The following CACNA1S variants were observed in gnomAD, a reference collection of about 807,000 sequenced individuals.
The protein encoded by CACNA1S is voltage-dependent L-type calcium channel subunit alpha-1S.
In CACNA1S, 126 loss-of-function variants were observed where a neutral mutation model predicts 207.4. The observed-to-expected ratio is 0.61, with a 90% confidence interval of 0.53 to 0.70. CACNA1S has a LOEUF of 0.70. Among genes scored for constraint, CACNA1S ranks in the 30% least tolerant of loss-of-function variants. CACNA1S has a pLI of 0.00. For synonymous variants in CACNA1S, 960 were observed against 932.7 expected (o/e 1.03, Z -0.53); for missense variants, 2,349 against 2,422.8 (o/e 0.97, Z 0.64).
intron 2 of CACNA1S, among the ~76,000 whole-genome samples, chr1:201,096,723 G>T (rs1662446145): frequency 6.6e-6 from 1 of 152,178 alleles, no homozygotes; most frequent in African/African-American, 2.4e-5. Context: ...TCATGGTGAG[G>T]ATTAAATGGC....
chr1:201,058,148 G>A (rs531140214), intron 28 of CACNA1S, among the ~76,000 whole-genome samples: 1 of 152,288 alleles, frequency 6.6e-6, no homozygotes, highest in South Asian at 2.1e-4. Flanking sequence ...ACCCCACCCA[G>A]AGACGACTTT....
intron 10 of CACNA1S, 79 bp from the exon 11 acceptor site, chr1:201,078,183 C>A: frequency 4.4e-6 from 5 of 1,126,134 alleles, no homozygotes; most frequent in South Asian, 1.2e-5. Context: ...GGCTGGGCCT[C>A]AACCCAGGAC....
intron 2 of CACNA1S, among the ~76,000 whole-genome samples, chr1:201,101,172 A>G (rs1005660065): frequency 2.0e-5 from 3 of 152,228 alleles, no homozygotes; most frequent in Non-Finnish European, 4.4e-5. Context: ...AATGGGCTAT[A>G]ATAAGTTCTT....
chr1:201,093,940 G>T lies in CACNA1S; in HGVS notation c.340C>A (p.Gln114Lys), dbSNP rs776320792. Residue 114 changes from glutamine (Q) to lysine (K), a missense_variant, in exon 3 of 44, where the codon CAG (glutamine) becomes AAG (lysine). Transcript: ENST00000362061. ...KIIAYGFLFH[Q>K]DAYLRSGWNV... ...CAGCCACTGCGCAGGTAAGCGTCCT[G>T]GTGGAATAAGAAGCCGTAGGCAATG... is the stretch of plus-strand genomic sequence containing the variant. The T allele has an allele frequency of 4.3e-6, 7 of 1,614,094 alleles. No homozygotes were observed. The highest frequency in any genetic ancestry group is 1.7e-5 in the Admixed American group (1 of 60,004).
chr1:201,107,589 A>G (rs1662941458), intron 2 of CACNA1S, among the ~76,000 whole-genome samples: 1 of 152,224 alleles, frequency 6.6e-6, no homozygotes, highest in African/African-American at 2.4e-5. Context: ...GGTCATGAAT[A>G]ATTAAACCTT....
In CACNA1S at chr1:201,069,585, GACACAGGAC is replaced by G. The variant is rs1661380408; in HGVS notation, c.2368_2376del (p.Val790_Cys792del). 1 of 1,557,010 alleles carries G rather than the reference GACACAGGAC, an allele frequency of 6.4e-7. No individual in the cohort carries two copies. The highest frequency in any genetic ancestry group is 2.0e-5 in the Admixed American group (1 of 51,026). On this transcript the variant is annotated inframe_deletion, in exon 18 of 44. Coordinates refer to ENST00000362061, the MANE Select transcript of CACNA1S (RefSeq NM_000069.3). ...AACCAGGTGGCATTGACGATGCGGT[GACACAGGAC>G]ACGGATCCTGGTGGGGCGAGGTAGG...
At chr1:201,089,522 G>A (rs931470701) in intron 5 of CACNA1S, 59 bp from the exon 6 acceptor site, 6 of 1,535,764 alleles carry the variant, frequency 3.9e-6, no homozygotes, top group South Asian at 1.1e-5. Context: ...AACGACAGGA[G>A]GAAAGGTGTA....
chr1:201,076,245 C>T (rs1220382520), intron 12 of CACNA1S, among the ~76,000 whole-genome samples: 2 of 152,192 alleles, frequency 1.3e-5, no homozygotes, highest in Non-Finnish European at 2.9e-5. Context: ...TGTGAAATGT[C>T]GAGTCTCTTG....
intron 26 of CACNA1S, among the ~76,000 whole-genome samples, chr1:201,060,179 G>A (rs930011883): frequency 9.9e-5 from 15 of 152,104 alleles, no homozygotes; most frequent in South Asian, 2.1e-4. Flanking sequence ...ATTTATACAG[G>A]GCTTAAGGAA....
At chr1:201,058,607 G>T in intron 27 of CACNA1S, 116 bp from the exon 28 acceptor site, 1 of 799,748 alleles carries the variant, frequency 1.3e-6, no homozygotes, top group Non-Finnish European at 2.2e-6. Context: ...GTTAGGCCAA[G>T]GTGGGGTGCC....
intron 2 of CACNA1S, among the ~76,000 whole-genome samples, chr1:201,099,675 C>G (rs1347068282): frequency 1.3e-5 from 2 of 152,122 alleles, no homozygotes; most frequent in African/African-American, 4.8e-5. Context: ...TCAAATGTCC[C>G]CTCCCTCTTA....
chr1:201,100,559 T>C (rs1662614750), intron 2 of CACNA1S, among the ~76,000 whole-genome samples: 1 of 152,136 alleles, frequency 6.6e-6, no homozygotes, highest in South Asian at 2.1e-4. Flanking sequence ...ATTTCCCTCT[T>C]CCAGTTCCCT....
intron 2 of CACNA1S, among the ~76,000 whole-genome samples, chr1:201,109,227 G>C (rs1356615569): frequency 7.0e-6 from 1 of 143,166 alleles, no homozygotes; most frequent in Non-Finnish European, 1.5e-5. Context: ...CTGGGCAACA[G>C]AGTGAGACTC....
rs1660516190 is a variant in CACNA1S at position 201,047,720 on chromosome 1, A to T, written c.4442-94T>A. ...TTCTGAACCTTTCAGACAGCCAGTC[A>T]TTTACTAAGAAACATTGGCTGAGTT... On this transcript the variant is annotated intron_variant, in intron 36 of 43. Transcript: ENST00000362061. 3.6e-6 allele frequency: 3 copies of T among 834,812 alleles called. No homozygotes were observed. The East Asian group carries it at 7.4e-5, about 21-fold the overall frequency. The allele number at this position is 834,812 out of a possible 1,614,324, so 51.7% of individuals were successfully genotyped here.
At position 201,073,553 on chromosome 1, in the gene CACNA1S, G is replaced by T; in HGVS notation, c.2153C>A (p.Ala718Asp). 1.9e-6 allele frequency: 3 copies of T among 1,611,996 alleles called. No homozygotes were observed. The South Asian group carries it at 3.3e-5, about 18-fold the overall frequency. The change falls in exon 15 of 44, where the codon GCC (alanine) becomes GAC (aspartate). Residue 718 changes from alanine (A) to aspartate (D), a missense_variant. Coordinates refer to ENST00000362061, the MANE Select transcript of CACNA1S (RefSeq NM_000069.3). ...KPKGEGIPTT[A>D]KLKIDEFESN... ...ATCCCCACCTGAGGTGCTCACCTTG[G>T]CAGTGGTGGGGATGCCCTCACCCTT... is the stretch of plus-strand genomic sequence containing the variant.
At chr1:201,112,063 G>T in intron 1 of CACNA1S, 125 bp downstream of exon 1, 1 of 862,042 alleles carries the variant, frequency 1.2e-6, no homozygotes, top group Non-Finnish European at 1.8e-6. Flanking sequence ...AATTCTGTGA[G>T]TTCACCCCAT....
At chr1:201,102,487 A>G (rs1662713940) in intron 2 of CACNA1S, among the ~76,000 whole-genome samples, 1 of 152,180 alleles carries the variant, frequency 6.6e-6, no homozygotes, top group East Asian at 1.9e-4. Context: ...AAGGCCCGAC[A>G]TATTTCCATC....
intron 14 of CACNA1S, among the ~76,000 whole-genome samples, chr1:201,073,846 A>G (rs1661505252): frequency 6.6e-6 from 1 of 152,166 alleles, no homozygotes; most frequent in South Asian, 2.1e-4. Flanking sequence ...GCATGGGCCC[A>G]TGGCTACCGG....
chr1:201,073,488 G>A (rs1661492184), intron 15 of CACNA1S, 61 bp downstream of exon 15: 2 of 1,358,736 alleles, frequency 1.5e-6, no homozygotes, highest in Non-Finnish European at 2.1e-6. Context: ...GTGGTATGAA[G>A]GGAACCATGG....
Sources: gnomAD v4.1 joint callset for allele counts (sites outside exome capture counted in the v4.1 genomes callset) on GRCh38, gnomAD v4.1.1 for gene constraint, MANE v1.5 for transcripts, NCBI Gene and HGNC (gene_info 2026-07-23, HGNC 2026-07-21) for gene names.